MNAT1: variants seen among roughly 807,000 people sequenced by gnomAD.
MNAT1 encodes the protein MNAT1 component of CDK activating kinase.
In MNAT1, 43 loss-of-function variants were observed where a neutral mutation model predicts 42.0. The observed-to-expected ratio is 1.02, with a 90% CI of 0.80 to 1.32. The LOEUF (loss-of-function observed/expected upper bound fraction) is 1.32. Among genes scored for constraint, MNAT1 ranks in the 40% most tolerant of loss-of-function variants. The probability of loss-of-function intolerance (pLI) is 0.00; values close to 1 mark genes in which losing one functional copy is unlikely to be tolerated. For missense variants in MNAT1, 306 were observed against 350.4 expected (o/e 0.87, Z 1.01); for synonymous variants, 118 against 120.0 (o/e 0.98, Z 0.11).
At chr14:60,955,987 A>G (rs561956697) in intron 7 of MNAT1, among the ~76,000 whole-genome samples, 1 of 150,476 alleles carries the variant, frequency 6.6e-6, no homozygotes, top group East Asian at 2.0e-4. Context: ...TTTTCTTTCT[A>G]TTGTATGTCT....
intron 7 of MNAT1, among the ~76,000 whole-genome samples, chr14:60,908,873 T>G (rs1350801469): frequency 1.3e-5 from 2 of 152,220 alleles, no homozygotes; most frequent in Non-Finnish European, 2.9e-5. Context: ...GTATTTCTAG[T>G]TCTAGATCCC....
chr14:60,960,322 C>A (rs2036565452), intron 7 of MNAT1, among the ~76,000 whole-genome samples: 1 of 152,184 alleles, frequency 6.6e-6, no homozygotes, highest in African/African-American at 2.4e-5. Context: ...TTCAAAATAG[C>A]TTCTTTTGTC....
At chr14:60,939,328 T>G (rs1309131233) in intron 7 of MNAT1, among the ~76,000 whole-genome samples, 1 of 152,198 alleles carries the variant, frequency 6.6e-6, no homozygotes, top group Non-Finnish European at 1.5e-5. Context: ...GATGTTAAGA[T>G]GTGAATTTTA....
intron 6 of MNAT1, among the ~76,000 whole-genome samples, chr14:60,851,958 G>A (rs146543948): frequency 4.6e-5 from 7 of 152,188 alleles, no homozygotes; most frequent in Admixed American, 1.3e-4. Context: ...TCATTAGTGC[G>A]CATTTGGGTT....
intron 6 of MNAT1, among the ~76,000 whole-genome samples, chr14:60,869,040 A>ATATATATGTATTT (rs1465360826): frequency 8.8e-6 from 1 of 113,054 alleles, no homozygotes; most frequent in African/African-American, 3.4e-5. Flanking sequence ...ATATATATAT[A>ATATATATGTATTT]TTTTTTTTTT....
chr14:60,853,728 C>G (rs1398807100), intron 6 of MNAT1, among the ~76,000 whole-genome samples: 4 of 152,140 alleles, frequency 2.6e-5, no homozygotes, highest in Non-Finnish European at 5.9e-5. Flanking sequence ...CCACCAATAC[C>G]TAGTTTATTG....
At chr14:60,856,271 C>T (rs1055864274) in intron 6 of MNAT1, among the ~76,000 whole-genome samples, 1 of 152,180 alleles carries the variant, frequency 6.6e-6, no homozygotes, top group Non-Finnish European at 1.5e-5. Flanking sequence ...GAAACATGCT[C>T]ATTGTTCATA....
intron 7 of MNAT1, among the ~76,000 whole-genome samples, chr14:60,947,537 G>T (rs1215522779): frequency 2.0e-5 from 3 of 152,044 alleles, no homozygotes; most frequent in Non-Finnish European, 4.4e-5. Context: ...ACAAAAATTA[G>T]CCAGGCATGG....
intron 7 of MNAT1, among the ~76,000 whole-genome samples, chr14:60,945,711 TG>T (rs1165691388): frequency 6.6e-6 from 1 of 152,228 alleles, no homozygotes; most frequent in Non-Finnish European, 1.5e-5. Flanking sequence ...TTTTAAAACA[TG>T]TATGAATTAT....
At chr14:60,760,320 CTCTT>C (rs2030549109) in intron 1 of MNAT1, among the ~76,000 whole-genome samples, 3 of 151,840 alleles carry the variant, frequency 2.0e-5, no homozygotes, top group Admixed American at 1.3e-4. Context: ...ATTTTGATAG[CTCTT>C]TCTAATTTTT....
At chr14:60,820,745 G>T (rs1379634282) in intron 6 of MNAT1, among the ~76,000 whole-genome samples, 2 of 151,952 alleles carry the variant, frequency 1.3e-5, no homozygotes, top group Non-Finnish European at 2.9e-5. Context: ...CCATAATCTA[G>T]TCTATAAGCC....
intron 6 of MNAT1, among the ~76,000 whole-genome samples, chr14:60,872,540 C>G (rs568980178): frequency 5.1e-4 from 77 of 152,096 alleles, no homozygotes; most frequent in African/African-American, 1.8e-3. Flanking sequence ...CTCTTCCCCC[C>G]CATTATTACT....
At chr14:60,790,536 C>T (rs2031785448) in intron 1 of MNAT1, among the ~76,000 whole-genome samples, 2 of 151,898 alleles carry the variant, frequency 1.3e-5, no homozygotes, top group African/African-American at 2.4e-5. Context: ...TGGACCAAAC[C>T]GATGTACATC....
At chr14:60,915,207 T>C (rs901440369) in intron 7 of MNAT1, among the ~76,000 whole-genome samples, 2 of 152,224 alleles carry the variant, frequency 1.3e-5, no homozygotes, top group African/African-American at 4.8e-5. Flanking sequence ...AACATCATCA[T>C]ACTGCAGTTC....
intron 7 of MNAT1, among the ~76,000 whole-genome samples, chr14:60,882,910 T>C (rs747259948): frequency 5.9e-5 from 9 of 152,288 alleles, no homozygotes; most frequent in Non-Finnish European, 7.4e-5. Context: ...TCAAATCTTT[T>C]GCCCATTTTT....
chr14:60,900,408 C>A (rs1259081240), intron 7 of MNAT1, among the ~76,000 whole-genome samples: 4 of 152,244 alleles, frequency 2.6e-5, no homozygotes, highest in Admixed American at 2.6e-4. Flanking sequence ...TTTTAGTGGT[C>A]TGGATAGATC....
At chr14:60,820,654 C>G (rs760972206) in intron 6 of MNAT1, among the ~76,000 whole-genome samples, 1 of 151,708 alleles carries the variant, frequency 6.6e-6, no homozygotes, top group Non-Finnish European at 1.5e-5. Flanking sequence ...CACCTCTTAT[C>G]ATCCTAGGAT....
intron 7 of MNAT1, among the ~76,000 whole-genome samples, chr14:60,907,636 G>T (rs370188334): frequency 7.9e-5 from 12 of 151,538 alleles, no homozygotes; most frequent in Admixed American, 5.3e-4. Flanking sequence ...TACAAAATTA[G>T]CAGGGCATGG....
intron 1 of MNAT1, among the ~76,000 whole-genome samples, chr14:60,735,952 C>A (rs1291789432): frequency 6.6e-6 from 1 of 152,164 alleles, no homozygotes; most frequent in African/African-American, 2.4e-5. Flanking sequence ...CCTCCCAACC[C>A]CCCAAGTGCT....
Sources: gnomAD v4.1 joint callset for allele counts (sites outside exome capture counted in the v4.1 genomes callset) on GRCh38, gnomAD v4.1.1 for gene constraint, MANE v1.5 for transcripts, NCBI Gene and HGNC (gene_info 2026-07-23, HGNC 2026-07-21) for gene names.